Variants in USP46 observed in about 807,000 individuals in gnomAD.
The protein encoded by USP46 is ubiquitin carboxyl-terminal hydrolase 46.
In USP46, 12 loss-of-function variants were observed where a neutral mutation model predicts 44.4. The observed-to-expected ratio is 0.27, with a 90% confidence interval of 0.17 to 0.44. The LOEUF (loss-of-function observed/expected upper bound fraction) is 0.44, where lower values mean the gene tolerates loss of function less well. Among genes scored for constraint, USP46 ranks in the 20% least tolerant of loss-of-function variants. The probability of loss-of-function intolerance (pLI) is 1.00; values close to 1 mark genes in which losing one functional copy is unlikely to be tolerated. For synonymous variants in USP46, 155 were observed against 161.5 expected, an observed-to-expected ratio of 0.96 and a Z score of 0.31; for missense variants, 248 against 444.8, an observed-to-expected ratio of 0.56 and a Z score of 3.98.
At position 52,610,478 on chromosome 4, in the gene USP46, A is replaced by AT; in HGVS notation, c.638+62dup. On this transcript the variant is annotated intron_variant, in intron 5 of 8. Transcript: ENST00000441222. ...AGATTATGTCCTGAAGAAATACAGG[A>AT]TTTTCTCTCCCACTTAGTTACAAGC... 10 of 1,417,538 alleles carry AT rather than the reference A, an allele frequency of 7.1e-6. No individual in the cohort carries two copies. The Middle Eastern group carries it at 1.4e-3, about 201-fold the overall frequency. The allele number at this position is 1,417,538 out of a possible 1,614,324, so 87.8% of individuals were successfully genotyped here. A position where few individuals can be genotyped will look rare whatever the true frequency, so the allele number is the denominator to read the frequency against.
chr4:52,650,914 T>A (rs1226708929), intron 1 of USP46: 1 of 151,982 alleles, frequency 6.6e-6, no homozygotes, highest in Non-Finnish European at 1.5e-5. Context: ...CCAGGCAACA[T>A]GGTGAAACCC....
Position 52,609,894 on chromosome 4 carries a change from A to AT in USP46, c.638+646dup, listed in dbSNP as rs1423146190. Among the ~76,000 whole-genome samples, 15 of 20,692 alleles carry AT rather than the reference A, an allele frequency of 7.2e-4. 2 individuals are homozygous for AT. Among genetic ancestry groups the AT allele is most frequent in the Admixed American group, 3.1e-3 (6 of 1,946 alleles). The allele number at this position is 20,692 out of a possible 152,430, so 13.6% of individuals were successfully genotyped here. On this transcript the variant is annotated intron_variant, in intron 5 of 8. Coordinates refer to ENST00000441222, the MANE Select transcript of USP46 (RefSeq NM_022832.4). ...TTATGGAAACCTAAACCTCAATTCT[A>AT]TTTCTTTTTTTTTTTTTTTTTTTTT...
chr4:52,610,923 A>T (rs1025164201), intron 4 of USP46, among the ~76,000 whole-genome samples: 2 of 152,144 alleles, frequency 1.3e-5, no homozygotes, highest in Non-Finnish European at 2.9e-5. Flanking sequence ...GAGTATTATT[A>T]AATATCCATA....
chr4:52,646,277 G>A (rs1329887181), intron 1 of USP46, among the ~76,000 whole-genome samples: 1 of 152,124 alleles, frequency 6.6e-6, no homozygotes, highest in Non-Finnish European at 1.5e-5. Context: ...GCGGCAACCC[G>A]GCCCTCGGGA....
intron 1 of USP46, chr4:52,656,277 GGACCT>G (rs1718942580): frequency 6.4e-7 from 1 of 1,550,824 alleles, no homozygotes; most frequent in Admixed American, 2.0e-5. Flanking sequence ...CAGTGAGAAG[GGACCT>G]GTAAGACACC....
rs1560405670 is a variant in USP46, at chr4:52,632,902, AAGAG to A, written c.37-1762_37-1759del. 3.0e-3 allele frequency among the ~76,000 whole-genome samples: 348 copies of A among 115,106 alleles called. 7 individuals carry two copies. The highest frequency in any genetic ancestry group is 0.011 in the African/African-American group (334 of 30,550). 75.5% of individuals were successfully genotyped at this position (115,106 alleles called of 152,430 possible). On this transcript the variant is annotated intron_variant, in intron 1 of 8. Coordinates refer to ENST00000441222, the MANE Select transcript of USP46 (RefSeq NM_022832.4). ...GAAAAGGAAGGAAGGAAGGAAGGGA[AAGAG>A]AAAGAAAGAAAGAGAAAGAAAGAAA...
At chr4:52,634,509 C>CA (rs1167932000) in intron 1 of USP46, among the ~76,000 whole-genome samples, 2,855 of 66,812 alleles carry the variant, frequency 0.043, 77 homozygotes, top group African/African-American at 0.11. Flanking sequence ...GACTTTGTCT[C>CA]AAAAAAAAAA....
At chr4:52,632,910 GAAAGAA>G (rs1717896847) in intron 1 of USP46, among the ~76,000 whole-genome samples, 1 of 94,048 alleles carries the variant, frequency 1.1e-5, no homozygotes, top group African/African-American at 4.7e-5. Flanking sequence ...GAAAGAGAAA[GAAAGAA>G]AGAGAAAGAA....
rs1718693090 is a variant in USP46 at position 52,649,968 on chromosome 4, C to T, written c.36+9147G>A. Among the ~76,000 whole-genome samples the T allele has an allele frequency of 2.6e-5, 4 of 152,248 alleles. No individual in the cohort carries two copies. In the South Asian group the frequency reaches 6.2e-4, roughly 24 times the overall value. ...ACCTATATCTACATACTGTCAGAAA[C>T]GCTGGAGACTGGGACCCTAGAAACT... On this transcript the variant is annotated intron_variant, in intron 1 of 8. Transcript: ENST00000441222.
chr4:52,635,534 ACTGGCCTTCCACT>A (rs1401744773), intron 1 of USP46, among the ~76,000 whole-genome samples: 1 of 152,014 alleles, frequency 6.6e-6, no homozygotes, highest in African/African-American at 2.4e-5. Flanking sequence ...GACCCTTCTC[ACTGGCCTTCCACT>A]CAACAGAAAA....
In USP46 at chr4:52,592,676, T is replaced by C. The variant is rs1716066545; in HGVS notation, c.*4964A>G. On this transcript the variant is annotated 3_prime_UTR_variant, in exon 9 of 9. Transcript: ENST00000441222. ...CAATATGAGAAAACTTTGTATCTAC[T>C]GAAAATACAAAAATTACCCGGGTAT... 1.0e-5 allele frequency: 4 copies of C among 382,666 alleles called. No individual in the cohort carries two copies. Among genetic ancestry groups the C allele is most frequent in the African/African-American group, 4.1e-5 (2 of 48,244 alleles). 23.7% of individuals were successfully genotyped at this position (382,666 alleles called of 1,614,324 possible). A position where few individuals can be genotyped will look rare whatever the true frequency, so the allele number is the denominator to read the frequency against.
intron 4 of USP46, among the ~76,000 whole-genome samples, chr4:52,613,972 AAAACGTG>A (rs1445609688): frequency 1.3e-5 from 2 of 152,306 alleles, no homozygotes; most frequent in South Asian, 2.1e-4. Flanking sequence ...AATGCATCAA[AAAACGTG>A]AAACCCCAGT....
At chr4:52,610,167 G>A (rs1020875501) in intron 5 of USP46, among the ~76,000 whole-genome samples, 5 of 151,088 alleles carry the variant, frequency 3.3e-5, no homozygotes, top group Admixed American at 1.3e-4. Flanking sequence ...CTCGTGATCC[G>A]CCCGTCTCGG....
chr4:52,611,341 G>C (rs1716926526), intron 4 of USP46, among the ~76,000 whole-genome samples: 1 of 152,216 alleles, frequency 6.6e-6, no homozygotes, highest in African/African-American at 2.4e-5. Context: ...ACTAATTCTA[G>C]ATCTCATATA....
intron 1 of USP46, among the ~76,000 whole-genome samples, chr4:52,632,990 A>AAAGAAAGAAAAGAAAGAAAG: frequency 1.5e-5 from 1 of 66,346 alleles, no homozygotes; most frequent in African/African-American, 6.0e-5. Context: ...GAAAGAAAAG[A>AAAGAAAGAAAAGAAAGAAAG]AAAGAAAGAA....
At chr4:52,627,107 ACAAT>A (rs750995308) in intron 3 of USP46, among the ~76,000 whole-genome samples, 2 of 152,190 alleles carry the variant, frequency 1.3e-5, no homozygotes, top group African/African-American at 4.8e-5. Context: ...ATAAGGACAA[ACAAT>A]CAGAGATGAA....
intron 5 of USP46, among the ~76,000 whole-genome samples, chr4:52,609,894 A>ATTTTTT (rs1423146190): frequency 5.3e-4 from 11 of 20,634 alleles, no homozygotes; most frequent in Admixed American, 2.6e-3. Context: ...CCTCAATTCT[A>ATTTTTT]TTTCTTTTTT....
chr4:52,640,930 T>A (rs1718317085), intron 1 of USP46, among the ~76,000 whole-genome samples: 1 of 152,136 alleles, frequency 6.6e-6, no homozygotes, highest in African/African-American at 2.4e-5. Flanking sequence ...GGCCATTTTT[T>A]TTTTTTTACC....
chr4:52,652,382 A>C (rs1718800449), intron 1 of USP46, among the ~76,000 whole-genome samples: 1 of 152,206 alleles, frequency 6.6e-6, no homozygotes, highest in South Asian at 2.1e-4. Context: ...ATTCCCTTCC[A>C]GGTTTACACC....
Sources: gnomAD v4.1 joint callset for allele counts (sites outside exome capture counted in the v4.1 genomes callset) on GRCh38, gnomAD v4.1.1 for gene constraint, MANE v1.5 for transcripts, NCBI Gene and HGNC (gene_info 2026-07-23, HGNC 2026-07-21) for gene names.